The following CNOT1 variants were observed in gnomAD, a reference collection of about 807,000 sequenced individuals.
The protein encoded by CNOT1 is CCR4-NOT transcription complex subunit 1, also known as CCR4-associated factor 1.
Under a neutral mutation model 273.8 loss-of-function variants are expected in CNOT1, and 15 were observed. The ratio of observed to expected loss-of-function variants is 0.05; its 90% CI spans 0.04 to 0.08. The LOEUF is 0.08. Ranked by LOEUF, CNOT1 falls within the 10% of genes least tolerant of loss-of-function variation. The pLI is 1.00. For synonymous variants in CNOT1, 1,022 were observed against 1,005.5 expected (o/e 1.02, Z -0.31); for missense variants, 1,644 against 2,912.2 (o/e 0.56, Z 10.02).
intron 1 of CNOT1, among the ~76,000 whole-genome samples, chr16:58,600,778 G>A (rs560682082): frequency 1.3e-5 from 2 of 152,342 alleles, no homozygotes; most frequent in East Asian, 1.9e-4. Context: ...ACCACCTGCT[G>A]AGTGAGAACT....
intron 1 of CNOT1, among the ~76,000 whole-genome samples, chr16:58,603,290 G>A (rs1247569423): frequency 6.6e-6 from 1 of 152,160 alleles, no homozygotes; most frequent in Non-Finnish European, 1.5e-5. Flanking sequence ...AGCTACTTGT[G>A]ATGCTGAGGC....
At chr16:58,557,772 T>C (rs2040682932) in intron 18 of CNOT1, among the ~76,000 whole-genome samples, 2 of 152,162 alleles carry the variant, frequency 1.3e-5, no homozygotes, top group Admixed American at 6.5e-5. Flanking sequence ...GTGGATCACC[T>C]GAGGTCGGGA....
intron 18 of CNOT1, among the ~76,000 whole-genome samples, chr16:58,557,780 G>A (rs1362376664): frequency 2.0e-5 from 3 of 152,150 alleles, no homozygotes; most frequent in Non-Finnish European, 4.4e-5. Context: ...CCTGAGGTCG[G>A]GAATTCGAGA....
chr16:58,624,203 G>C (rs2043468081), intron 1 of CNOT1, among the ~76,000 whole-genome samples: 1 of 152,190 alleles, frequency 6.6e-6, no homozygotes, highest in Non-Finnish European at 1.5e-5. Flanking sequence ...GCTATCTTCA[G>C]GTACACCGTG....
In CNOT1 at chr16:58,582,921, G is replaced by T; in HGVS notation, c.934-18C>A. 1 of 1,613,228 alleles carries T rather than the reference G, an allele frequency of 6.2e-7. No homozygotes were observed. Among genetic ancestry groups the T allele is most frequent in the Non-Finnish European group, 8.5e-7 (1 of 1,179,480 alleles). On this transcript the variant is annotated intron_variant, in intron 9 of 48. Transcript: ENST00000317147. ...GAAATACTCTGTAGAAGTAAAACTT[G>T]AATTAAACAAACCCAACTACTCCAT... is the stretch of plus-strand genomic sequence containing the variant.
chr16:58,619,571 G>A (rs940765278), intron 1 of CNOT1, among the ~76,000 whole-genome samples: 6 of 151,922 alleles, frequency 3.9e-5, no homozygotes, highest in African/African-American at 9.7e-5. Context: ...GGGACTAGCC[G>A]CCCGCCACCA....
intron 40 of CNOT1, chr16:58,532,730 C>T (rs2039809161): frequency 4.6e-6 from 1 of 216,602 alleles, no homozygotes; most frequent in Non-Finnish European, 9.3e-6. Flanking sequence ...TTTGTCTGGT[C>T]TGACATGAAG....
At position 58,582,826 on chromosome 16, in the gene CNOT1, A is replaced by G. The variant is rs2041702017; in HGVS notation, c.1011T>C (p.Asn337=). ...KSDGAQAHTW[N]VEVLIDVLKE... ...TAAGAACGTCAATCAAGACTTCTAC[A>G]TTCCATGTGTGTGCCTGTGCTCCAT... Residue 337 remains asparagine (N), a synonymous_variant, in exon 10 of 49, where the codon AAT becomes AAC. Transcript: ENST00000317147. 1 of 1,551,612 alleles carries G rather than the reference A, an allele frequency of 6.4e-7. No individual in the cohort carries two copies. Among genetic ancestry groups the G allele is most frequent in the Non-Finnish European group, 8.9e-7 (1 of 1,122,932 alleles).
intron 2 of CNOT1, among the ~76,000 whole-genome samples, chr16:58,594,035 G>A (rs1219774803): frequency 6.6e-6 from 1 of 152,056 alleles, no homozygotes; most frequent in Admixed American, 6.6e-5. Context: ...ACCTGAGGTC[G>A]GGAGTTCAAA....
chr16:58,561,495 G>C (rs753734651), intron 16 of CNOT1, among the ~76,000 whole-genome samples: 1 of 152,082 alleles, frequency 6.6e-6, no homozygotes, highest in African/African-American at 2.4e-5. Context: ...ACCATGCATA[G>C]TAATTACCTT....
intron 1 of CNOT1, among the ~76,000 whole-genome samples, chr16:58,627,986 C>A (rs529501591): frequency 6.6e-6 from 1 of 152,252 alleles, no homozygotes; most frequent in East Asian, 1.9e-4. Context: ...TGCCACCACG[C>A]CCGGCTAATT....
In CNOT1 at chr16:58,525,262, C is replaced by T. The variant is rs771654939; in HGVS notation, c.6701G>A (p.Gly2234Asp). The change falls in exon 46 of 49, where the codon GGC becomes GAC. Residue 2234 changes from glycine to aspartate, a missense_variant. Physicochemically the swap from Gly to Asp is moderately conservative, Grantham distance 94. Around this residue, in one of 13 missense-constraint regions of CNOT1, gnomAD observed 140 missense variants for 324.6 expected, o/e 0.43. Transcript: ENST00000317147. ...TQAIAHIHNK[G>D]STPSMSTITH... ...GATGGTGCTCATTGAAGGTGTGCTG[C>T]CCTTGTTGTGGATGTGCGCAATGGC... The T allele has an allele frequency of 1.2e-6, 2 of 1,613,944 alleles. No individual in the cohort carries two copies. The highest frequency in any genetic ancestry group is 8.5e-7 in the Non-Finnish European group (1 of 1,180,034).
intron 1 of CNOT1, among the ~76,000 whole-genome samples, chr16:58,606,972 A>G (rs2042703890): frequency 6.6e-6 from 1 of 152,170 alleles, no homozygotes. Flanking sequence ...ACTAGAGAAC[A>G]CTATACAATA....
At position 58,574,694 on chromosome 16, in the gene CNOT1, C is replaced by G; in HGVS notation, c.1894G>C (p.Ala632Pro). Residue 632 changes from alanine to proline, a missense_variant, in exon 16 of 49, where the codon GCC becomes CCC. Ala to Pro is a conservative substitution (Grantham distance 27). Transcript: ENST00000317147. ...CTTTTGGGCTGGTCTTTTTCTGGGG[C>G]AAGTCCGCCCAAAATAGAAGGACAC... ...RRCPSILGGL[A>P]PEKDQPKSAQ... is the part of the protein sequence containing the mutation. 6.2e-7 allele frequency: 1 copy of G among 1,608,734 alleles called. No homozygotes were observed. The highest frequency in any genetic ancestry group is 8.5e-7 in the Non-Finnish European group (1 of 1,179,064).
At chr16:58,525,119 A>T in intron 46 of CNOT1, 60 bp downstream of exon 46, 1 of 1,502,954 alleles carries the variant, frequency 6.7e-7, no homozygotes, top group Non-Finnish European at 9.2e-7. Flanking sequence ...CATTTTTGTG[A>T]TCAGATTGTA....
At position 58,545,371 on chromosome 16, in the gene CNOT1, A is replaced by G; in HGVS notation, c.4127T>C (p.Leu1376Pro). ...GCAGTGTTTACTTACTGTTGGATTCAGAGTAATGTGTGGTGCCAAGCCCGC... is the reference window on the plus strand; with the variant it reads ...GCAGTGTTTACTTACTGTTGGATTCGGAGTAATGTGTGGTGCCAAGCCCGC... ...SLAGLAPHIT[L>P]NPTIPLFQAH... The change falls in exon 30 of 49, where the codon CTG becomes CCG. Residue 1376 changes from leucine to proline, a missense_variant. Physicochemically the swap from Leu to Pro is moderately conservative, Grantham distance 98 (BLOSUM62 -3). This residue lies in a region of CNOT1 where 133 missense variants were observed against 230.4 expected (regional missense o/e 0.58). Transcript: ENST00000317147. 1 of 1,613,676 alleles carries G rather than the reference A, an allele frequency of 6.2e-7. No homozygotes were observed. The highest frequency in any genetic ancestry group is 8.5e-7 in the Non-Finnish European group (1 of 1,179,762).
At chr16:58,574,122 T>G (rs2041381322) in intron 16 of CNOT1, among the ~76,000 whole-genome samples, 1 of 151,282 alleles carries the variant, frequency 6.6e-6, no homozygotes, top group East Asian at 2.0e-4. Context: ...AAGAAGAAAA[T>G]TTAACCAGCT....
intron 16 of CNOT1, among the ~76,000 whole-genome samples, chr16:58,572,004 C>T (rs1207975913): frequency 6.6e-6 from 1 of 152,020 alleles, no homozygotes; most frequent in African/African-American, 2.4e-5. Context: ...AAAAATTGGG[C>T]TGGGCGTGGT....
At chr16:58,555,933 G>T in intron 19 of CNOT1, 25 bp from the exon 20 acceptor site, 1 of 1,607,694 alleles carries the variant, frequency 6.2e-7, no homozygotes. Flanking sequence ...AAAGGAATCA[G>T]TGGGCATTTA....
Sources: allele counts gnomAD v4.1 joint callset (sites outside exome capture counted in the v4.1 genomes callset), GRCh38; gene constraint gnomAD v4.1.1; regional missense constraint gnomAD v4.1.1; transcripts MANE v1.5; gene names NCBI Gene and HGNC (gene_info 2026-07-23, HGNC 2026-07-21).